Variants in ABCG8 observed in about 807,000 individuals in gnomAD.
The protein encoded by ABCG8 is ATP-binding cassette sub-family G member 8.
ABCG8 carries 81 observed loss-of-function variants against 71.3 expected under a neutral mutation model. That is an observed-to-expected ratio of 1.14 (90% confidence interval 0.95 to 1.37). The LOEUF is 1.37. ABCG8 is among the 40% of genes most tolerant of loss of function. The probability of loss-of-function intolerance (pLI) is 0.00; values close to 1 mark genes in which losing one functional copy is unlikely to be tolerated. For synonymous variants in ABCG8, 451 were observed against 354.7 expected (o/e 1.27, Z -3.05); for missense variants, 1,119 against 866.2 (o/e 1.29, Z -3.66).
intron 6 of ABCG8, among the ~76,000 whole-genome samples, chr2:43,866,527 TG>T (rs1427999825): frequency 3.3e-5 from 5 of 151,880 alleles, no homozygotes; most frequent in Admixed American, 3.3e-4. Context: ...CATCAAAAAG[TG>T]GGCGAAGGAC....
In ABCG8 at chr2:43,852,336, G is replaced by T. The variant is rs1461141909; in HGVS notation, c.562-18G>T. The T allele has an allele frequency of 1.9e-6, 3 of 1,612,048 alleles. No homozygotes were observed. The highest frequency in any genetic ancestry group is 2.5e-6 in the Non-Finnish European group (3 of 1,179,946). ...AGGAGGCCCCTGAGGTGGCCTCAAAGCTCCTTCTGGCCCACAGGTGGAGGA... is the reference window on the plus strand; with the variant it reads ...AGGAGGCCCCTGAGGTGGCCTCAAATCTCCTTCTGGCCCACAGGTGGAGGA... On this transcript the variant is annotated intron_variant, in intron 4 of 12. Transcript: ENST00000272286.
Position 43,880,150 on chromosome 2 carries a change from C to T in ABCG8, c.*2237C>T, listed in dbSNP as rs1670089347. The T allele has an allele frequency of 6.7e-6, 1 of 150,106 alleles. No individual in the cohort carries two copies. The highest frequency in any genetic ancestry group is 2.1e-4 in the South Asian group (1 of 4,728). 9.3% of individuals were successfully genotyped at this position (150,106 alleles called of 1,614,324 possible). ...ATCATCCTTTGAGGGCTGAAACAAC[C>T]AAGAGTTTCAGGCTCATTTTTTGTT... is the stretch of plus-strand genomic sequence containing the variant. On this transcript the variant is annotated 3_prime_UTR_variant, in exon 13 of 13. Transcript: ENST00000272286.
chr2:43,852,788 G>T lies in ABCG8; in HGVS notation c.884G>T (p.Gly295Val). 1.2e-6 allele frequency: 2 copies of T among 1,614,078 alleles called. No individual in the cohort carries two copies. The highest frequency in any genetic ancestry group is 1.7e-6 in the Non-Finnish European group (2 of 1,179,996). The change falls in exon 6 of 13, where the codon GGG becomes GTG. Residue 295 changes from glycine to valine, a missense_variant. By Grantham distance (109) the Gly-to-Val change is moderately radical. Transcript: ENST00000272286. ...ACGTCTGGCACCCCCATCTACTTAG[G>T]GGCGGCCCAGCACATGGTCCAGTAT... The part of the protein sequence containing the change: ...LMTSGTPIYL[G>V]AAQHMVQYFT...
At chr2:43,865,018 A>G (rs143606760) in intron 6 of ABCG8, among the ~76,000 whole-genome samples, 154 of 152,020 alleles carry the variant, frequency 1.0e-3, no homozygotes, top group African/African-American at 3.3e-3. Flanking sequence ...CCCTCTGGAT[A>G]CAACTCTCAC....
At chr2:43,869,161 ATAGAATTCTCACTGTGGG>A (rs1176774380) in intron 6 of ABCG8, among the ~76,000 whole-genome samples, 1 of 152,134 alleles carries the variant, frequency 6.6e-6, no homozygotes, top group East Asian at 1.9e-4. Context: ...ATCTGTCTGG[ATAGAATTCTCACTGTGGG>A]TAGAATTCTC....
Position 43,856,136 on chromosome 2 carries a change from A to G in ABCG8, c.964+3268A>G, listed in dbSNP as rs934386761. 6.0e-5 allele frequency among the ~76,000 whole-genome samples: 9 copies of G among 151,166 alleles called. No homozygotes were observed. The East Asian group carries it at 1.2e-3, about 20-fold the overall frequency. On this transcript the variant is annotated intron_variant, in intron 6 of 12. Coordinates refer to ENST00000272286, the MANE Select transcript of ABCG8 (RefSeq NM_022437.3). Reference sequence around the variant, plus strand: ...TCACACTCTGGGTAGAACTCCCACTATGTATCTGGATAGAGTTCTCACTTT... The same window carrying G: ...TCACACTCTGGGTAGAACTCCCACTGTGTATCTGGATAGAGTTCTCACTTT...
intron 6 of ABCG8, among the ~76,000 whole-genome samples, chr2:43,864,865 T>TGGATA (rs1332561212): frequency 0.051 from 7,791 of 151,928 alleles, 242 homozygotes; most frequent in Middle Eastern, 0.11. Context: ...ACTGTCTATC[T>TGGATA]GGACGGAATT....
At chr2:43,877,721 TG>T (rs1558864541) in intron 12 of ABCG8, 33 bp downstream of exon 12, 1 of 1,614,070 alleles carries the variant, frequency 6.2e-7, no homozygotes, top group Admixed American at 1.7e-5. Context: ...TCTAAATTAT[TG>T]GACGTCCGGC....
intron 10 of ABCG8, 60 bp downstream of exon 10, chr2:43,874,543 A>G (rs1669895960): frequency 2.1e-6 from 3 of 1,407,086 alleles, no homozygotes; most frequent in Non-Finnish European, 3.0e-6. Flanking sequence ...GTAAGTGTGG[A>G]GAAAACGTTG....
At chr2:43,842,693 C>T (rs1668617331) in intron 1 of ABCG8, among the ~76,000 whole-genome samples, 2 of 152,154 alleles carry the variant, frequency 1.3e-5, no homozygotes, top group Non-Finnish European at 2.9e-5. Flanking sequence ...TTGATCCCCG[C>T]ACTCCTACTG....
chr2:43,840,895 A>T (rs144398682), intron 1 of ABCG8, among the ~76,000 whole-genome samples: 120 of 152,254 alleles, frequency 7.9e-4, no homozygotes, highest in Admixed American at 1.8e-3. Flanking sequence ...AAAAGTCCTC[A>T]GGAGGTTGGG....
Position 43,880,940 on chromosome 2 carries a change from A to C in ABCG8, c.*3027A>C, listed in dbSNP as rs967561095. On this transcript the variant is annotated 3_prime_UTR_variant, in exon 13 of 13. Transcript: ENST00000272286. ...TAACTCCCAAGTCCAGCTTTCCCTG[A>C]GTCTGCAGCTGTCTTCCTCACACTC... is the stretch of plus-strand genomic sequence containing the variant. 2.0e-5 allele frequency: 3 copies of C among 152,272 alleles called. No individual in the cohort carries two copies. The highest frequency in any genetic ancestry group is 7.2e-5 in the African/African-American group (3 of 41,434). 9.4% of individuals were successfully genotyped at this position (152,272 alleles called of 1,614,324 possible). A position where few individuals can be genotyped will look rare whatever the true frequency, so the allele number is the denominator to read the frequency against.
rs1670006377 is a variant in ABCG8, at chr2:43,877,679, A to T, written c.1875A>T (p.Ser625=). Residue 625 remains serine, a synonymous_variant, in exon 12 of 13, where the codon TCA becomes TCT. Coordinates refer to ENST00000272286, the MANE Select transcript of ABCG8 (RefSeq NM_022437.3). ...TCGGGAACCTCACCATCGCGGTCTC[A>T]GGAGATAAAGTAAGCGGGGAAGGCC... The part of the protein sequence containing the change: ...MPLGNLTIAV[S]GDKILSVMEL... 2 of 1,614,026 alleles carry T rather than the reference A, an allele frequency of 1.2e-6. No homozygotes were observed. The highest frequency in any genetic ancestry group is 1.7e-5 in the Admixed American group (1 of 60,002).
intron 6 of ABCG8, among the ~76,000 whole-genome samples, chr2:43,865,463 C>T (rs1669494314): frequency 6.6e-6 from 1 of 151,412 alleles, no homozygotes; most frequent in Non-Finnish European, 1.5e-5. Context: ...GGATAGAATT[C>T]TCAGTCTCTG....
chr2:43,872,508 G>A (rs1337493315), intron 8 of ABCG8, among the ~76,000 whole-genome samples: 1 of 152,176 alleles, frequency 6.6e-6, no homozygotes, highest in Non-Finnish European at 1.5e-5. Context: ...GATCACTTAA[G>A]TTCAGGAGTT....
At chr2:43,874,641 CAG>C (rs1341648962) in intron 10 of ABCG8, among the ~76,000 whole-genome samples, 158 bp downstream of exon 10, 1 of 152,166 alleles carries the variant, frequency 6.6e-6, no homozygotes, top group East Asian at 1.9e-4. Flanking sequence ...AGGGGAGTTT[CAG>C]AGACTTGAAC....
intron 6 of ABCG8, among the ~76,000 whole-genome samples, chr2:43,869,852 A>T (rs1262086073): frequency 6.6e-6 from 1 of 151,674 alleles, no homozygotes; most frequent in Non-Finnish European, 1.5e-5. Context: ...TCTGGATGGA[A>T]CTCTCACTAT....
intron 6 of ABCG8, among the ~76,000 whole-genome samples, chr2:43,871,286 A>C (rs76218686): frequency 0.045 from 6,437 of 141,978 alleles, 160 homozygotes; most frequent in Middle Eastern, 0.1. Flanking sequence ...AACTCTCACT[A>C]TCTGGATAGA....
Position 43,869,125 on chromosome 2 carries a change from C to A in ABCG8, c.965-2851C>A, listed in dbSNP as rs1572858761. Reference sequence around the variant, plus strand: ...TCTCACTATCTATCTGGATATAATTCTCACTCTCTGGATAGATCTCTCACT... The same window carrying A: ...TCTCACTATCTATCTGGATATAATTATCACTCTCTGGATAGATCTCTCACT... On this transcript the variant is annotated intron_variant, in intron 6 of 12. Coordinates refer to ENST00000272286, the MANE Select transcript of ABCG8 (RefSeq NM_022437.3). Among the ~76,000 whole-genome samples, 3 of 152,184 alleles carry A rather than the reference C, an allele frequency of 2.0e-5. No homozygotes were observed. The South Asian group carries it at 6.2e-4, about 32-fold the overall frequency.
Sources: gnomAD v4.1 joint callset for allele counts (sites outside exome capture counted in the v4.1 genomes callset) on GRCh38, gnomAD v4.1.1 for gene constraint, MANE v1.5 for transcripts, NCBI Gene and HGNC (gene_info 2026-07-23, HGNC 2026-07-21) for gene names.